Variants in KANK4 observed in about 807,000 individuals in gnomAD.
KANK4 encodes the protein KN motif and ankyrin repeat domain-containing protein 4.
A neutral mutation model predicts 80.8 loss-of-function variants in KANK4; 50 were observed. The ratio of observed to expected loss-of-function variants is 0.62; its 90% CI spans 0.49 to 0.78. The LOEUF is 0.78. Ranked by LOEUF, KANK4 falls within the 30% of genes least tolerant of loss-of-function variation. KANK4 has a pLI of 0.00. For missense variants in KANK4, 1,196 were observed against 1,240.1 expected, an observed-to-expected ratio of 0.96 and a Z score of 0.53; for synonymous variants, 465 against 506.9, an observed-to-expected ratio of 0.92 and a Z score of 1.11.
Position 62,274,437 on chromosome 1 carries a change from G to T in KANK4, c.667C>A (p.Arg223=), listed in dbSNP as rs755623893. ...CCCTCCTGGACCAGCTCTGGAATCC[G>T]AGTTGATGCTCGTGGGCTGGAGCTG... ...FHSSSPRAST[R]IPELVQEGAE... Residue 223 remains arginine, a synonymous_variant, in exon 3 of 10, where the codon CGG becomes AGG. Coordinates refer to ENST00000371153, the MANE Select transcript of KANK4 (RefSeq NM_181712.5). 1 of 1,614,178 alleles carries T rather than the reference G, an allele frequency of 6.2e-7. No individual in the cohort carries two copies. Among genetic ancestry groups the T allele is most frequent in the Admixed American group, 1.7e-5 (1 of 60,032 alleles).
chr1:62,253,142 G>A lies in KANK4; in HGVS notation c.2607C>T (p.Ser869=), dbSNP rs199721081. 2.5e-5 allele frequency: 40 copies of A among 1,613,676 alleles called. No homozygotes were observed. The highest frequency in any genetic ancestry group is 3.0e-5 in the Non-Finnish European group (35 of 1,179,922). Residue 869 remains serine (S), a synonymous_variant, in exon 8 of 10, where the codon TCC becomes TCT. Transcript: ENST00000371153. ...YTAVMITPLA[S]AETNEDMAVV... ...CAGCCATGTCTTCATTGGTCTCTGCGGAAGCCAAGGGAGTGATCATTACGG... is the reference window on the plus strand; with the variant it reads ...CAGCCATGTCTTCATTGGTCTCTGCAGAAGCCAAGGGAGTGATCATTACGG...
At chr1:62,267,389 G>A (rs920966296) in intron 5 of KANK4, among the ~76,000 whole-genome samples, 2 of 152,148 alleles carry the variant, frequency 1.3e-5, no homozygotes, top group African/African-American at 4.8e-5. Flanking sequence ...CTCAGGTGAG[G>A]CTTAAGGGCA....
At chr1:62,255,987 C>T (rs1671743574) in intron 7 of KANK4, among the ~76,000 whole-genome samples, 1 of 152,196 alleles carries the variant, frequency 6.6e-6, no homozygotes, top group Admixed American at 6.5e-5. Flanking sequence ...CTTGTCCAAC[C>T]CATGGGCCAT....
chr1:62,242,945 G>C (rs1411536108), intron 9 of KANK4, among the ~76,000 whole-genome samples: 2 of 151,968 alleles, frequency 1.3e-5, no homozygotes, highest in African/African-American at 4.8e-5. Context: ...TGGAGACACT[G>C]TGCTCCCCAA....
rs1671248456 is a variant in KANK4 at position 62,238,141 on chromosome 1, A to G, written c.*136T>C. ...TAATGAGCAGAATTATACAACAGGA[A>G]TGTATGTGCATATTTGACATAGTTT... On this transcript the variant is annotated 3_prime_UTR_variant, in exon 10 of 10. Coordinates refer to ENST00000371153, the MANE Select transcript of KANK4 (RefSeq NM_181712.5). The G allele has an allele frequency of 3.3e-6, 2 of 608,292 alleles. No individual in the cohort carries two copies. Among genetic ancestry groups the G allele is most frequent in the Admixed American group, 5.9e-5 (2 of 33,934 alleles). 37.7% of individuals were successfully genotyped at this position (608,292 alleles called of 1,614,324 possible). A position where few individuals can be genotyped will look rare whatever the true frequency, so the allele number is the denominator to read the frequency against.
intron 1 of KANK4, among the ~76,000 whole-genome samples, chr1:62,314,305 G>A (rs996173069): frequency 6.6e-6 from 1 of 152,144 alleles, no homozygotes; most frequent in Non-Finnish European, 1.5e-5. Context: ...GAGCCACTGC[G>A]CCCAGCCTCC....
intron 1 of KANK4, among the ~76,000 whole-genome samples, chr1:62,285,542 C>T (rs1672544462): frequency 6.6e-6 from 1 of 152,210 alleles, no homozygotes; most frequent in Admixed American, 6.5e-5. Flanking sequence ...TCTCTTCAAA[C>T]CTCTTTTTAT....
chr1:62,252,942 G>T, intron 8 of KANK4, 125 bp downstream of exon 8: 6 of 1,161,524 alleles, frequency 5.2e-6, no homozygotes, highest in South Asian at 1.4e-5. Context: ...ATGCCATTTG[G>T]AGGTCCCAGC....
chr1:62,245,237 G>A lies in KANK4; in HGVS notation c.2883+2235C>T, dbSNP rs151000351. Among the ~76,000 whole-genome samples, 7 of 152,328 alleles carry A rather than the reference G, an allele frequency of 4.6e-5. No homozygotes were observed. In the East Asian group the frequency reaches 1.2e-3, roughly 25 times the overall value. ...CAGATCCTTTGTTTGACCACATAAT[G>A]TTTGGAAAAGGAGGCTCTGGTTTCC... On this transcript the variant is annotated intron_variant, in intron 9 of 9. Coordinates refer to ENST00000371153, the MANE Select transcript of KANK4 (RefSeq NM_181712.5).
intron 2 of KANK4, among the ~76,000 whole-genome samples, chr1:62,276,819 G>A (rs1444987696): frequency 2.0e-5 from 3 of 149,742 alleles, no homozygotes; most frequent in African/African-American, 7.4e-5. Context: ...TAATAATAAA[G>A]TATTTTGGAC....
At chr1:62,284,190 T>C (rs534582292) in intron 1 of KANK4, among the ~76,000 whole-genome samples, 179 of 152,266 alleles carry the variant, frequency 1.2e-3, no homozygotes, top group Middle Eastern at 3.4e-3. Context: ...CTAAGGGAGT[T>C]TCCTTCCAGT....
intron 1 of KANK4, among the ~76,000 whole-genome samples, chr1:62,308,533 A>T (rs1644472411): frequency 6.6e-6 from 1 of 152,146 alleles, no homozygotes; most frequent in Non-Finnish European, 1.5e-5. Context: ...CAGGTTGGAG[A>T]GAACTATCCT....
chr1:62,285,733 A>G (rs777045401), intron 1 of KANK4, among the ~76,000 whole-genome samples: 1 of 151,736 alleles, frequency 6.6e-6, no homozygotes, highest in Non-Finnish European at 1.5e-5. Context: ...CCAAACAACA[A>G]CCCTGCCAAT....
At chr1:62,249,977 G>C (rs759124213) in intron 8 of KANK4, among the ~76,000 whole-genome samples, 1 of 151,380 alleles carries the variant, frequency 6.6e-6, no homozygotes, top group Non-Finnish European at 1.5e-5. Flanking sequence ...CTGACTGTGT[G>C]TATATTTCTT....
At chr1:62,306,438 G>A (rs1361958463) in intron 1 of KANK4, among the ~76,000 whole-genome samples, 1 of 151,920 alleles carries the variant, frequency 6.6e-6, no homozygotes, top group African/African-American at 2.4e-5. Flanking sequence ...TATGTATCTA[G>A]CTCTATATAA....
intron 6 of KANK4, among the ~76,000 whole-genome samples, chr1:62,266,137 GGTGCATTGCC>G (rs1390928700): frequency 1.3e-5 from 2 of 152,192 alleles, no homozygotes; most frequent in Non-Finnish European, 2.9e-5. Context: ...AGACACTCAT[GGTGCATTGCC>G]TAATGACACA....
chr1:62,284,788 G>A (rs1477956297), intron 1 of KANK4, among the ~76,000 whole-genome samples: 2 of 152,102 alleles, frequency 1.3e-5, no homozygotes, highest in East Asian at 3.8e-4. Context: ...TAGATGTTTT[G>A]GGCATACATA....
At chr1:62,307,270 G>A (rs756060475) in intron 1 of KANK4, among the ~76,000 whole-genome samples, 4 of 151,952 alleles carry the variant, frequency 2.6e-5, no homozygotes, top group Non-Finnish European at 5.9e-5. Context: ...ATCGCCTGAG[G>A]TCAGGAGTTC....
rs188885844 is a variant in KANK4, at chr1:62,243,726, T to G, written c.2883+3746A>C. On this transcript the variant is annotated intron_variant, in intron 9 of 9. Transcript: ENST00000371153. ...TCTACCCACTAGATGTCAGGAGCAT[T>G]TGCTCACCCACTTGTGACTAAAAAT... Among the ~76,000 whole-genome samples, 265 of 152,306 alleles carry G rather than the reference T, an allele frequency of 1.7e-3. 1 individual carries two copies. Among genetic ancestry groups the G allele is most frequent in the African/African-American group, 6.1e-3 (254 of 41,576 alleles).
Sources: allele counts gnomAD v4.1 joint callset (sites outside exome capture counted in the v4.1 genomes callset), GRCh38; gene constraint gnomAD v4.1.1; transcripts MANE v1.5; gene names NCBI Gene and HGNC (gene_info 2026-07-23, HGNC 2026-07-21).